The following SLC38A5 variants were observed in gnomAD, a reference collection of about 807,000 sequenced individuals.
The protein encoded by SLC38A5 is sodium-coupled neutral amino acid transporter 5.
Under a neutral mutation model 34.6 loss-of-function variants are expected in SLC38A5, and 9 were observed. The ratio of observed to expected loss-of-function variants is 0.26; its 90% CI spans 0.16 to 0.45. The LOEUF (loss-of-function observed/expected upper bound fraction) is 0.45, where lower values mean the gene tolerates loss of function less well. Among genes scored for constraint, SLC38A5 ranks in the 20% least tolerant of loss-of-function variants. The probability of loss-of-function intolerance (pLI) is 1.00; values close to 1 mark genes in which losing one functional copy is unlikely to be tolerated. For synonymous variants in SLC38A5, 157 were observed against 155.6 expected, an observed-to-expected ratio of 1.01 and a Z score of -0.07; for missense variants, 253 against 394.7, an observed-to-expected ratio of 0.64 and a Z score of 3.04.
intron 4 of SLC38A5, 107 bp downstream of exon 4, chrX:48,467,603 T>A (rs1446208852): frequency 2.5e-6 from 2 of 792,699 alleles, no homozygotes; most frequent in African/African-American, 4.2e-5. Flanking sequence ...GGGAGATAGC[T>A]GGGCAGGGGA....
At chrX:48,461,937 C>CAGG (rs2061437164) in intron 11 of SLC38A5, 70 bp downstream of exon 11, 1 of 1,132,167 alleles carries the variant, frequency 8.8e-7, no homozygotes, top group African/African-American at 1.8e-5. Context: ...CCACTCTGAG[C>CAGG]AGGATGCACC....
chrX:48,463,511 CAGG>C (rs2061449170), intron 8 of SLC38A5, among the ~76,000 whole-genome samples: 1 of 110,557 alleles, frequency 9.0e-6, no homozygotes, highest in African/African-American at 3.3e-5. Flanking sequence ...GAGGCTAAGG[CAGG>C]AGAATGGCAT....
intron 2 of SLC38A5, 125 bp downstream of exon 2, chrX:48,469,210 C>T: frequency 7.3e-6 from 1 of 137,630 alleles, no homozygotes; most frequent in South Asian, 3.1e-4. Flanking sequence ...CCCATACACG[C>T]CATTCCATTC....
At chrX:48,463,839 AAGAAAGAAAGAGAG>A (rs1556962516) in intron 8 of SLC38A5, among the ~76,000 whole-genome samples, 1 of 86,708 alleles carries the variant, frequency 1.2e-5, no homozygotes, top group East Asian at 3.6e-4. Context: ...AAGAGAAAGG[AAGAAAGAAAGAGAG>A]AGAAAGAAAG....
chrX:48,467,811 C>A (rs782635132), intron 3 of SLC38A5, 26 bp from the exon 4 acceptor site: 3 of 1,201,193 alleles, frequency 2.5e-6, no homozygotes, highest in South Asian at 3.6e-5. Flanking sequence ...AAATAGGGGC[C>A]GATAAGAGGG....
chrX:48,467,395 C>T (rs2061485720), intron 4 of SLC38A5: 1 of 410,490 alleles, frequency 2.4e-6, no homozygotes, highest in Admixed American at 4.3e-5. Flanking sequence ...TGGGGATAGG[C>T]TGAGGATGGG....
intron 8 of SLC38A5, among the ~76,000 whole-genome samples, chrX:48,463,657 A>G (rs1195658705): frequency 9.7e-6 from 1 of 103,196 alleles, no homozygotes; most frequent in Non-Finnish European, 2.0e-5. Context: ...CGTGCCTGTA[A>G]TCCCAGCTAC....
In SLC38A5 at chrX:48,468,875, C is replaced by T. The variant is rs185397643; in HGVS notation, c.-2+460G>A. 876 of 751,080 alleles carry T rather than the reference C, an allele frequency of 1.2e-3. 4 individuals are homozygous for T. The African/African-American group carries it at 0.019, about 16-fold the overall frequency. The allele number at this position is 751,080 out of a possible 1,213,427, so 61.9% of individuals were successfully genotyped here. On this transcript the variant is annotated intron_variant, in intron 2 of 16. Coordinates refer to ENST00000620913, the MANE Select transcript of SLC38A5 (RefSeq NM_033518.4). ...GAGACCTTCATCAAAGACCCCCTCC[C>T]GTGGCCTACCGAGTTTCCTGGGGTG...
At chrX:48,459,899 C>A in intron 14 of SLC38A5, 23 bp from the exon 15 acceptor site, 1 of 1,195,817 alleles carries the variant, frequency 8.4e-7, no homozygotes. Flanking sequence ...TAGGGTGGGA[C>A]AGAAGTCAGG....
intron 2 of SLC38A5, 150 bp downstream of exon 2, chrX:48,469,185 T>C: frequency 5.2e-6 from 1 of 190,749 alleles, no homozygotes; most frequent in Non-Finnish European, 8.0e-6. Context: ...GGGATCAGGG[T>C]ACAAAAAGGA....
At chrX:48,468,955 C>T (rs1556964373) in intron 2 of SLC38A5, 11 of 751,104 alleles carry the variant, frequency 1.5e-5, no homozygotes, top group Non-Finnish European at 1.4e-5. Flanking sequence ...GTAGGTACAG[C>T]GTCTCTGAAG....
intron 8 of SLC38A5, among the ~76,000 whole-genome samples, chrX:48,465,492 C>T (rs902042587): frequency 7.1e-5 from 8 of 112,012 alleles, no homozygotes; most frequent in Non-Finnish European, 1.1e-4. Context: ...CACAGCTAGA[C>T]GGAGTCAGTG....
At chrX:48,467,381 C>A (rs781919707) in intron 4 of SLC38A5, 559 of 389,626 alleles carry the variant, frequency 1.4e-3, no homozygotes, top group Non-Finnish European at 1.6e-3. Context: ...GGAGACGCTG[C>A]GGGTGGGGAT....
Position 48,462,266 on chromosome X carries a change from G to C in SLC38A5, c.600C>G (p.Leu200=). 8.3e-7 allele frequency: 1 copy of C among 1,210,759 alleles called. No homozygotes were observed. The change falls in exon 10 of 17, where the codon CTC becomes CTG. Residue 200 remains leucine, a synonymous_variant. Coordinates refer to ENST00000620913, the MANE Select transcript of SLC38A5 (RefSeq NM_033518.4). ...HLGYLGYTSG[L]SLTCMLFFLV... is the part of the protein sequence containing the mutation. ...GGAAAAACAGCATGCAGGTCAGAGA[G>C]AGACCACTGGTGTACCCCAGGTAGC...
At chrX:48,464,820 C>T (rs782277191) in intron 8 of SLC38A5, among the ~76,000 whole-genome samples, 70 of 110,017 alleles carry the variant, frequency 6.4e-4, no homozygotes, top group African/African-American at 2.2e-3. Context: ...TGTAATCCCA[C>T]CTACTCAGGA....
chrX:48,462,423 A>G (rs1556962135), intron 9 of SLC38A5, 132 bp from the exon 10 acceptor site: 1 of 588,664 alleles, frequency 1.7e-6, no homozygotes, highest in Non-Finnish European at 2.7e-6. Context: ...CCTGGCCAAC[A>G]TGGCAAAGCC....
intron 7 of SLC38A5, 35 bp from the exon 8 acceptor site, chrX:48,466,128 T>A: frequency 8.6e-7 from 1 of 1,169,091 alleles, no homozygotes. Flanking sequence ...GCAGAAGGAT[T>A]CTCTTCATGC....
At chrX:48,468,757 G>T in intron 2 of SLC38A5, 1 of 569,307 alleles carries the variant, frequency 1.8e-6, no homozygotes. Context: ...TGGAGACACT[G>T]CCAGACTTGA....
intron 4 of SLC38A5, chrX:48,467,409 TGCTGGAGGAGGAAGAACA>T (rs1481352569): frequency 2.5e-6 from 1 of 395,380 alleles, no homozygotes; most frequent in Non-Finnish European, 4.4e-6. Flanking sequence ...GGATGGGGAG[TGCTGGAGGAGGAAGAACA>T]GCTGGAGGAG....
Sources: gnomAD v4.1 joint callset for allele counts (sites outside exome capture counted in the v4.1 genomes callset) on GRCh38, gnomAD v4.1.1 for gene constraint, MANE v1.5 for transcripts, NCBI Gene and HGNC (gene_info 2026-07-23, HGNC 2026-07-21) for gene names.